PLCG2: variants seen among roughly 807,000 people sequenced by gnomAD.
PLCG2 encodes the protein phospholipase C gamma 2, also known as 1-phosphatidylinositol 4,5-bisphosphate phosphodiesterase gamma-2.
In PLCG2, 69 loss-of-function variants were observed where a neutral mutation model predicts 175.6. That is an observed-to-expected ratio of 0.39 (90% CI 0.32 to 0.48). The LOEUF is 0.48. PLCG2 is among the 20% of genes least tolerant of loss of function. PLCG2 has a pLI of 0.91. For missense variants in PLCG2, 1,798 were observed against 1,650.9 expected (o/e 1.09, Z -1.54); for synonymous variants, 827 against 624.0 (o/e 1.33, Z -4.85).
chr16:81,797,740 T>C (rs1911535536), intron 2 of PLCG2, among the ~76,000 whole-genome samples: 1 of 152,222 alleles, frequency 6.6e-6, no homozygotes, highest in South Asian at 2.1e-4. Context: ...TCTTTAACCA[T>C]ACACCGTGGT....
At chr16:81,859,036 A>C (rs1906828118) in intron 4 of PLCG2, 80 bp from the exon 5 acceptor site, 1 of 849,422 alleles carries the variant, frequency 1.2e-6, no homozygotes, top group Non-Finnish European at 2.0e-6. Flanking sequence ...TTTTGTGCAC[A>C]TTCCGTAGGA....
intron 2 of PLCG2, among the ~76,000 whole-genome samples, chr16:81,794,791 G>T (rs1002757882): frequency 6.6e-6 from 1 of 152,200 alleles, no homozygotes; most frequent in African/African-American, 2.4e-5. Flanking sequence ...AGATGGCATT[G>T]TAGAAAGGAT....
chr16:81,843,279 A>G (rs1905933154), intron 2 of PLCG2, among the ~76,000 whole-genome samples: 1 of 152,186 alleles, frequency 6.6e-6, no homozygotes, highest in Admixed American at 6.5e-5. Flanking sequence ...TCTCACTAGT[A>G]GTGCCTGTTG....
intron 9 of PLCG2, among the ~76,000 whole-genome samples, chr16:81,884,145 G>T (rs980512904): frequency 2.0e-5 from 3 of 152,204 alleles, no homozygotes; most frequent in African/African-American, 4.8e-5. Flanking sequence ...GAAGCCAGGA[G>T]TTCGAGACCT....
chr16:81,859,542 T>G (rs1906856238), intron 5 of PLCG2, among the ~76,000 whole-genome samples: 1 of 147,038 alleles, frequency 6.8e-6, no homozygotes, highest in African/African-American at 2.6e-5. Context: ...AGGTGGTTCT[T>G]TTTTTTTTTT....
At position 81,874,413 on chromosome 16, in the gene PLCG2, A is replaced by C. The variant is rs182194581; in HGVS notation, c.648+3478A>C. Among the ~76,000 whole-genome samples the C allele has an allele frequency of 9.0e-3, 1,373 of 152,328 alleles. 24 individuals carry two copies. Among genetic ancestry groups the C allele is most frequent in the African/African-American group, 0.032 (1,326 of 41,564 alleles). On this transcript the variant is annotated intron_variant, in intron 7 of 32. Transcript: ENST00000564138. Reference sequence around the variant, plus strand: ...TCACTGCATTTTAAAAATTTAATTTAGTGACAGATTTGAATAACAAAGTCC... The same window carrying C: ...TCACTGCATTTTAAAAATTTAATTTCGTGACAGATTTGAATAACAAAGTCC...
chr16:81,908,059 C>T (rs765415779), intron 16 of PLCG2, among the ~76,000 whole-genome samples: 1 of 152,206 alleles, frequency 6.6e-6, no homozygotes, highest in East Asian at 1.9e-4. Context: ...CCCATGCTTT[C>T]CTGTTGCCCT....
intron 30 of PLCG2, among the ~76,000 whole-genome samples, chr16:81,940,851 C>G (rs1444926123): frequency 6.6e-6 from 1 of 152,192 alleles, no homozygotes; most frequent in Non-Finnish European, 1.5e-5. Flanking sequence ...ATCTTTCCCA[C>G]TGGATTTTAG....
intron 2 of PLCG2, among the ~76,000 whole-genome samples, chr16:81,853,293 T>C (rs887854244): frequency 1.3e-5 from 2 of 151,008 alleles, no homozygotes; most frequent in African/African-American, 2.4e-5. Flanking sequence ...ATCATGCCAC[T>C]GCACTCCAGA....
Position 81,959,660 on chromosome 16 carries a change from T to C in PLCG2, c.*1662T>C, listed in dbSNP as rs1300582498. On this transcript the variant is annotated 3_prime_UTR_variant, in exon 33 of 33. Transcript: ENST00000564138. Reference sequence around the variant, plus strand: ...TCAGCAACTGAAGAAAGAACATTCCTCTTAGTGGCAGATGTTCAAAGCAAC... The same window carrying C: ...TCAGCAACTGAAGAAAGAACATTCCCCTTAGTGGCAGATGTTCAAAGCAAC... The C allele has an allele frequency of 5.3e-6, 1 of 188,124 alleles. No individual in the cohort carries two copies. The highest frequency in any genetic ancestry group is 1.1e-5 in the Non-Finnish European group (1 of 89,378). 11.7% of individuals were successfully genotyped at this position (188,124 alleles called of 1,614,324 possible). A position where few individuals can be genotyped will look rare whatever the true frequency, so the allele number is the denominator to read the frequency against.
intron 2 of PLCG2, among the ~76,000 whole-genome samples, chr16:81,794,614 A>G (rs1268569397): frequency 6.6e-6 from 1 of 152,180 alleles, no homozygotes; most frequent in Admixed American, 6.5e-5. Context: ...TTCCTTATCT[A>G]TAAAATGAGA....
At chr16:81,832,432 C>T (rs943824499) in intron 2 of PLCG2, among the ~76,000 whole-genome samples, 2 of 152,232 alleles carry the variant, frequency 1.3e-5, no homozygotes, top group East Asian at 1.9e-4. Context: ...CTCTATCACC[C>T]AGGTGGGAGC....
chr16:81,858,236 C>T, intron 3 of PLCG2, 27 bp from the exon 4 acceptor site: 1 of 1,489,530 alleles, frequency 6.7e-7, no homozygotes, highest in Non-Finnish European at 9.4e-7. Flanking sequence ...ATTAACACAG[C>T]ATTTCTGTTC....
At chr16:81,799,776 G>A (rs569012880) in intron 2 of PLCG2, among the ~76,000 whole-genome samples, 6 of 151,786 alleles carry the variant, frequency 4.0e-5, no homozygotes, top group African/African-American at 9.7e-5. Context: ...TGTATTTTTA[G>A]TGGAGATGGG....
At chr16:81,799,598 AT>A (rs35033377) in intron 2 of PLCG2, among the ~76,000 whole-genome samples, 34,466 of 134,526 alleles carry the variant, frequency 0.26, 4,677 homozygotes, top group East Asian at 0.65. Flanking sequence ...CCTGTTATTA[AT>A]TTTTTTTTTT....
chr16:81,870,487 C>G (rs1034203812), intron 6 of PLCG2, among the ~76,000 whole-genome samples: 1 of 152,122 alleles, frequency 6.6e-6, no homozygotes, highest in Non-Finnish European at 1.5e-5. Context: ...GGAGGAGTTA[C>G]GCATCATGTC....
At chr16:81,816,163 G>A (rs2143314327) in intron 2 of PLCG2, among the ~76,000 whole-genome samples, 1 of 152,296 alleles carries the variant, frequency 6.6e-6, no homozygotes. Flanking sequence ...TTGAGGTCAG[G>A]AGTTCGAGAC....
At chr16:81,869,954 G>C (rs1236127225) in intron 6 of PLCG2, among the ~76,000 whole-genome samples, 1 of 152,158 alleles carries the variant, frequency 6.6e-6, no homozygotes, top group Non-Finnish European at 1.5e-5. Context: ...AACAGCCCCA[G>C]TTGGAGGACT....
At chr16:81,833,969 G>A (rs1385514269) in intron 2 of PLCG2, among the ~76,000 whole-genome samples, 7 of 152,212 alleles carry the variant, frequency 4.6e-5, no homozygotes, top group African/African-American at 1.7e-4. Flanking sequence ...CCAGAAGCTA[G>A]CAGGTTCACC....
Sources: gnomAD v4.1 joint callset for allele counts (sites outside exome capture counted in the v4.1 genomes callset) on GRCh38, gnomAD v4.1.1 for gene constraint, MANE v1.5 for transcripts, NCBI Gene and HGNC (gene_info 2026-07-23, HGNC 2026-07-21) for gene names.